Variants in ANKAR observed in about 807,000 individuals in gnomAD.
ANKAR encodes ankyrin and armadillo repeat containing.
A neutral mutation model predicts 146.2 loss-of-function variants in ANKAR; 136 were observed. The observed-to-expected ratio is 0.93, with a 90% CI of 0.81 to 1.07. The LOEUF (loss-of-function observed/expected upper bound fraction) is 1.07. Among genes scored for constraint, ANKAR ranks in the 50% least tolerant of loss-of-function variants. The pLI is 0.00. For missense variants in ANKAR, 1,567 were observed against 1,679.9 expected, an observed-to-expected ratio of 0.93 and a Z score of 1.18; for synonymous variants, 500 against 575.8, an observed-to-expected ratio of 0.87 and a Z score of 1.88.
downstream of ANKAR, chr2:189,761,476 A>T: frequency 6.2e-7 from 1 of 1,612,822 alleles, no homozygotes; most frequent in South Asian, 1.1e-5. Context: ...TTCCAGTTTC[A>T]TCCACCACAG....
In ANKAR at chr2:189,745,118, G is replaced by A. The variant is rs1205033461; in HGVS notation, c.4057+330G>A. Among the ~76,000 whole-genome samples the A allele has an allele frequency of 2.6e-5, 4 of 151,866 alleles. No individual in the cohort carries two copies. In the East Asian group the frequency reaches 7.7e-4, roughly 29 times the overall value. On this transcript the variant is annotated intron_variant, in intron 22 of 22. Coordinates refer to ENST00000684021, the MANE Select transcript of ANKAR (RefSeq NM_001378068.1). ...AGGCAGGAGAATCGCTTGAACCTGGGAGGCAGAGGCTGCAGTCAGCTGAGA... is the reference window on the plus strand; with the variant it reads ...AGGCAGGAGAATCGCTTGAACCTGGAAGGCAGAGGCTGCAGTCAGCTGAGA...
rs1174390874 is a variant in ANKAR, at chr2:189,676,747, T to C, written c.257T>C (p.Leu86Pro). Residue 86 changes from leucine to proline, a missense_variant, in exon 2 of 23, where the codon CTG becomes CCG. Coordinates refer to ENST00000684021, the MANE Select transcript of ANKAR (RefSeq NM_001378068.1). ...GTAGGCTTCTCCACTGCAATCCTAC[T>C]GACTCCCGTGGACCCTACTGCCCTC... The part of the protein sequence containing the change: ...NNVGFSTAIL[L>P]TPVDPTALLD... 1 of 1,614,226 alleles carries C rather than the reference T, an allele frequency of 6.2e-7. No individual in the cohort carries two copies. Among genetic ancestry groups the C allele is most frequent in the Non-Finnish European group, 8.5e-7 (1 of 1,180,046 alleles).
rs2041471508 is a variant in ANKAR, at chr2:189,722,916, A to G, written c.2635+2129A>G. Among the ~76,000 whole-genome samples the G allele has an allele frequency of 1.3e-5, 2 of 151,874 alleles. 1 individual carries two copies. The highest frequency in any genetic ancestry group is 3.8e-4 in the East Asian group (2 of 5,202). On this transcript the variant is annotated intron_variant, in intron 12 of 22. Coordinates refer to ENST00000684021, the MANE Select transcript of ANKAR (RefSeq NM_001378068.1). ...AAAGAAAAGAAAACTATAGTATGAAATAAATTATTGAAATAAAAGTATTTT... is the reference window on the plus strand; with the variant it reads ...AAAGAAAAGAAAACTATAGTATGAAGTAAATTATTGAAATAAAAGTATTTT...
At chr2:189,682,711 A>C (rs2034926309) in intron 2 of ANKAR, among the ~76,000 whole-genome samples, 1 of 152,226 alleles carries the variant, frequency 6.6e-6, no homozygotes, top group African/African-American at 2.4e-5. Context: ...CAAGGACGTG[A>C]GTCAAGTTAG....
chr2:189,739,435 T>G (rs745743215), intron 19 of ANKAR, among the ~76,000 whole-genome samples: 3 of 152,236 alleles, frequency 2.0e-5, no homozygotes, highest in Non-Finnish European at 4.4e-5. Context: ...ATGAAAACTT[T>G]CTGATGGAAA....
In ANKAR at chr2:189,737,840, AG is replaced by A; in HGVS notation, c.3582+1del. ...ACTGAGAAGGCAATGGCAGCATTTC[AG>A]GTATAAAATTGAGATTAACACCTCA... ...VETEKAMAAF[Q>X]IVVLAKVIRD... On this transcript the variant is annotated frameshift_variant and splice_region_variant, in exon 18 of 23. Transcript: ENST00000684021. LOFTEE classifies it high-confidence loss of function. 6.5e-7 allele frequency: 1 copy of A among 1,549,442 alleles called. No individual in the cohort carries two copies. Among genetic ancestry groups the A allele is most frequent in the Non-Finnish European group, 8.6e-7 (1 of 1,156,188 alleles).
chr2:189,736,276 T>C (rs1574716918), intron 17 of ANKAR, among the ~76,000 whole-genome samples: 2 of 152,290 alleles, frequency 1.3e-5, no homozygotes, highest in African/African-American at 4.8e-5. Context: ...GGAAAAGAAA[T>C]GGAAATCAGT....
At chr2:189,705,654 A>G (rs2038831903) in intron 8 of ANKAR, among the ~76,000 whole-genome samples, 1 of 152,226 alleles carries the variant, frequency 6.6e-6, no homozygotes, top group South Asian at 2.1e-4. Flanking sequence ...ACCAGGAGGC[A>G]GCCCTAGGAC....
chr2:189,728,814 T>G lies in ANKAR; in HGVS notation c.3186T>G (p.Ile1062Met), dbSNP rs138785514. Reference protein sequence around the residue: ...LLSVIRAVGSICIGVAHTSNP... With the variant: ...LLSVIRAVGSMCIGVAHTSNP... ...GTGTCATCAGAGCAGTGGGATCCAT[T>G]TGTATTGGTTTGTATACTTATTCTC... Residue 1062 changes from isoleucine (I) to methionine (M), a missense_variant, in exon 15 of 23, where the codon ATT (isoleucine) becomes ATG (methionine). Transcript: ENST00000684021. 48 of 1,611,740 alleles carry G rather than the reference T, an allele frequency of 3.0e-5. No homozygotes were observed. In the African/African-American group the frequency reaches 6.0e-4, roughly 20 times the overall value.
rs753413310 is a variant in ANKAR at position 189,705,200 on chromosome 2, T to A, written c.1886T>A (p.Leu629Ter). 3.1e-6 allele frequency: 5 copies of A among 1,614,138 alleles called. No individual in the cohort carries two copies. In the East Asian group the frequency reaches 8.9e-5, roughly 29 times the overall value. ...IIALCRKDPS[L>*]LEAEATAENQ... ...GCTCTCTGTAGGAAGGATCCTAGTT[T>A]GCTAGAAGCTGAGGCAACAGCTGAG... The change falls in exon 8 of 23, where the codon TTG (leucine) becomes TAG (stop). Residue 629 changes from leucine to a stop codon, truncating the protein, a stop_gained. Transcript: ENST00000684021. LOFTEE classifies it high-confidence loss of function.
At chr2:189,697,956 G>A (rs1340658380) in intron 7 of ANKAR, among the ~76,000 whole-genome samples, 7 of 152,010 alleles carry the variant, frequency 4.6e-5, no homozygotes, top group South Asian at 2.1e-4. Flanking sequence ...AACACTGTTC[G>A]ATGTAATCTT....
intron 19 of ANKAR, among the ~76,000 whole-genome samples, chr2:189,740,909 G>T (rs2043274205): frequency 6.6e-6 from 1 of 151,622 alleles, no homozygotes; most frequent in African/African-American, 2.4e-5. Flanking sequence ...GGTCAGGCTG[G>T]TCACGAACTC....
At chr2:189,707,452 CAAAA>C (rs67227035) in intron 9 of ANKAR, among the ~76,000 whole-genome samples, 2 of 72,932 alleles carry the variant, frequency 2.7e-5, no homozygotes, top group Middle Eastern at 0.013. Flanking sequence ...TCTCCTTCAT[CAAAA>C]AAAAAAAAAA....
At chr2:189,735,548 G>A (rs902177890) in intron 17 of ANKAR, among the ~76,000 whole-genome samples, 1 of 152,214 alleles carries the variant, frequency 6.6e-6, no homozygotes, top group Non-Finnish European at 1.5e-5. Flanking sequence ...GTAGAAGTTA[G>A]AGGGGAGGGA....
rs1347165166 is a variant in ANKAR at position 189,720,657 on chromosome 2, C to T, written c.2505C>T (p.Asn835=). The T allele has an allele frequency of 7.2e-7, 1 of 1,388,492 alleles. No homozygotes were observed. Among genetic ancestry groups the T allele is most frequent in the African/African-American group, 1.5e-5 (1 of 67,144 alleles). The allele number at this position is 1,388,492 out of a possible 1,614,324, so 86.0% of individuals were successfully genotyped here. A position where few individuals can be genotyped will look rare whatever the true frequency, so the allele number is the denominator to read the frequency against. ...GCCTGATAAATCTATTGAACTTAAACATAGAAAATGTGCTAGTAAATGTAA... is the reference window on the plus strand; with the variant it reads ...GCCTGATAAATCTATTGAACTTAAATATAGAAAATGTGCTAGTAAATGTAA... ...IPSLINLLNL[N]IENVLVNVMN... is the part of the protein sequence containing the mutation. The change falls in exon 12 of 23, where the codon AAC becomes AAT. Residue 835 remains asparagine, a synonymous_variant. Coordinates refer to ENST00000684021, the MANE Select transcript of ANKAR (RefSeq NM_001378068.1).
rs538033022 is a variant in ANKAR at position 189,682,466 on chromosome 2, A to G, written c.601+5375A>G. ...TACTAGACCTACTGAAGTAGTTTAT[A>G]GGGGGAATCTCACGGTGGCAGTAGC... On this transcript the variant is annotated intron_variant, in intron 2 of 22. Coordinates refer to ENST00000684021, the MANE Select transcript of ANKAR (RefSeq NM_001378068.1). Among the ~76,000 whole-genome samples, 10 of 152,290 alleles carry G rather than the reference A, an allele frequency of 6.6e-5. 1 individual carries two copies. The East Asian group carries it at 1.5e-3, about 23-fold the overall frequency.
intron 19 of ANKAR, among the ~76,000 whole-genome samples, chr2:189,739,475 T>C (rs2043135251): frequency 6.6e-6 from 1 of 152,126 alleles, no homozygotes; most frequent in African/African-American, 2.4e-5. Flanking sequence ...AAAGAAGTTA[T>C]TAAATATGTT....
chr2:189,681,679 C>T (rs1271239993), intron 2 of ANKAR, among the ~76,000 whole-genome samples: 1 of 152,186 alleles, frequency 6.6e-6, no homozygotes, highest in Non-Finnish European at 1.5e-5. Flanking sequence ...TCAGAGACCT[C>T]CTGCTTGTCA....
At chr2:189,683,731 C>CA (rs1011702271) in intron 2 of ANKAR, among the ~76,000 whole-genome samples, 4 of 152,182 alleles carry the variant, frequency 2.6e-5, no homozygotes, top group African/African-American at 9.6e-5. Flanking sequence ...TTTGGGAAAA[C>CA]AGCAGCTCCT....
Sources: allele counts gnomAD v4.1 joint callset (sites outside exome capture counted in the v4.1 genomes callset), GRCh38; gene constraint gnomAD v4.1.1; transcripts MANE v1.5; gene names NCBI Gene and HGNC (gene_info 2026-07-23, HGNC 2026-07-21).